The following PTPRU variants were observed in gnomAD, a reference collection of about 807,000 sequenced individuals.
The protein encoded by PTPRU is protein tyrosine phosphatase receptor type U, also known as receptor-type tyrosine-protein phosphatase U.
PTPRU carries 69 observed loss-of-function variants against 166.3 expected under a neutral mutation model. The observed-to-expected ratio is 0.41, with a 90% CI of 0.34 to 0.51. PTPRU has a LOEUF of 0.51. PTPRU is among the 20% of genes least tolerant of loss of function. PTPRU has a pLI of 0.09. For synonymous variants in PTPRU, 793 were observed against 814.0 expected (o/e 0.97, Z 0.44); for missense variants, 1,657 against 2,013.7 (o/e 0.82, Z 3.39).
chr1:29,319,598 T>C (rs1557488195), intron 25 of PTPRU, among the ~76,000 whole-genome samples: 1 of 152,164 alleles, frequency 6.6e-6, no homozygotes, highest in Non-Finnish European at 1.5e-5. Context: ...GGCCTGGCCT[T>C]GAGGAGTTGT....
rs1447456728 is a variant in PTPRU, at chr1:29,282,793, G to A, written c.1986G>A (p.Val662=). 1.2e-6 allele frequency: 2 copies of A among 1,614,018 alleles called. No individual in the cohort carries two copies. The highest frequency in any genetic ancestry group is 2.2e-5 in the East Asian group (1 of 44,888). Residue 662 remains valine, a synonymous_variant, in exon 12 of 30, where the codon GTG becomes GTA. Transcript: ENST00000373779. Reference sequence around the variant, plus strand: ...AGGCGGCGCTGGCCCGAGGCCTGGTGCACTACTTCGGGGCCGAACTGGCGG... The same window carrying A: ...AGGCGGCGCTGGCCCGAGGCCTGGTACACTACTTCGGGGCCGAACTGGCGG... ...TFEAALARGL[V]HYFGAELAAS...
intron 18 of PTPRU, among the ~76,000 whole-genome samples, chr1:29,310,098 A>C (rs1687577924): frequency 6.6e-6 from 1 of 152,000 alleles, no homozygotes. Flanking sequence ...CTCTCGTGGG[A>C]GGTGGTACTG....
rs781097347 is a variant in PTPRU at position 29,315,700 on chromosome 1, G to A, written c.3363+193G>A. On this transcript the variant is annotated intron_variant, in intron 23 of 29. Coordinates refer to ENST00000373779, the MANE Select transcript of PTPRU (RefSeq NM_133178.4). The surrounding 1 kb of genome is among the most constrained non-coding windows in gnomAD (Gnocchi z 4.5). ...GCTCCCCTGTGTTCTGTTGGGTGGG[G>A]TCAGACAACCGGTCCTGTAGCTGAC... Among the ~76,000 whole-genome samples, 6 of 152,196 alleles carry A rather than the reference G, an allele frequency of 3.9e-5. No homozygotes were observed. The highest frequency in any genetic ancestry group is 7.2e-5 in the African/African-American group (3 of 41,444).
chr1:29,268,679 A>C (rs1051760936), intron 7 of PTPRU, among the ~76,000 whole-genome samples: 1 of 152,248 alleles, frequency 6.6e-6, no homozygotes, highest in Admixed American at 6.5e-5. Context: ...AGCGCTTAAC[A>C]CACAGTAAGC....
At chr1:29,263,283 C>T (rs572731690) in intron 7 of PTPRU, among the ~76,000 whole-genome samples, 144 of 152,196 alleles carry the variant, frequency 9.5e-4, no homozygotes, top group Non-Finnish European at 1.6e-3. Flanking sequence ...CTGCACCTGA[C>T]CCTTCTTCCA....
intron 7 of PTPRU, among the ~76,000 whole-genome samples, chr1:29,262,724 G>A (rs1465475107): frequency 6.6e-6 from 1 of 152,192 alleles, no homozygotes; most frequent in African/African-American, 2.4e-5. Context: ...TGTATTGACA[G>A]AGTTACACAA....
At chr1:29,275,330 C>G (rs1010435802) in intron 7 of PTPRU, 118 bp from the exon 8 acceptor site, 1 of 1,175,526 alleles carries the variant, frequency 8.5e-7, no homozygotes, top group Non-Finnish European at 1.2e-6. Flanking sequence ...CCCCTGAGCT[C>G]TTGGGGGCAA....
At chr1:29,310,893 C>A (rs975969172) in intron 19 of PTPRU, 113 bp downstream of exon 19, 2 of 1,313,900 alleles carry the variant, frequency 1.5e-6, no homozygotes, top group South Asian at 1.2e-5. Flanking sequence ...CTGAATGTCT[C>A]CCCACCGTCG....
rs537741482 is a variant in PTPRU at position 29,282,208 on chromosome 1, T to A, written c.1869-468T>A. Among the ~76,000 whole-genome samples, 48 of 152,244 alleles carry A rather than the reference T, an allele frequency of 3.2e-4. 1 individual carries two copies. The East Asian group carries it at 6.6e-3, about 21-fold the overall frequency. On this transcript the variant is annotated intron_variant, in intron 11 of 29. Coordinates refer to ENST00000373779, the MANE Select transcript of PTPRU (RefSeq NM_133178.4). Reference sequence around the variant, plus strand: ...CATAGTCTGAGCTCAGTCATCTCTTTCTGAATGAATGAATGAATGAATGAA... The same window carrying A: ...CATAGTCTGAGCTCAGTCATCTCTTACTGAATGAATGAATGAATGAATGAA...
At chr1:29,287,059 GC>G (rs1449099995) in intron 14 of PTPRU, among the ~76,000 whole-genome samples, 2 of 152,126 alleles carry the variant, frequency 1.3e-5, no homozygotes, top group Non-Finnish European at 2.9e-5. Context: ...AACGTGGGGT[GC>G]CAACATAACT....
Position 29,279,173 on chromosome 1 carries a change from G to T in PTPRU, c.1563+52G>T. The stretch of plus-strand genomic sequence containing the variant: ...GGGACCCTGGTGGAAGGTGAGAGGT[G>T]GCCCTCTTTCTCTCTGCTGCTACAG... On this transcript the variant is annotated intron_variant, in intron 9 of 29. Transcript: ENST00000373779. The surrounding 1 kb of genome is among the most constrained non-coding windows in gnomAD (Gnocchi z 5.2). 7.0e-7 allele frequency: 1 copy of T among 1,428,342 alleles called. No homozygotes were observed. Among genetic ancestry groups the T allele is most frequent in the South Asian group, 1.2e-5 (1 of 81,022 alleles). The allele number at this position is 1,428,342 out of a possible 1,614,324, so 88.5% of individuals were successfully genotyped here. A position where few individuals can be genotyped will look rare whatever the true frequency, so the allele number is the denominator to read the frequency against.
At chr1:29,296,679 GT>G (rs60675448) in intron 15 of PTPRU, among the ~76,000 whole-genome samples, 43,598 of 135,634 alleles carry the variant, frequency 0.32, 8,141 homozygotes, top group East Asian at 0.64. Context: ...TTGCTACTTT[GT>G]TTTTTTTTTT....
chr1:29,311,857 G>A lies in PTPRU; in HGVS notation c.3072+98G>A. ...AGCCCTGGGAGCAGGAGGGTGAGGA[G>A]CGCACCACTGCCCATCCCAGCAAGG... On this transcript the variant is annotated intron_variant, in intron 21 of 29. Coordinates refer to ENST00000373779, the MANE Select transcript of PTPRU (RefSeq NM_133178.4). The surrounding 1 kb of genome is among the most constrained non-coding windows in gnomAD (Gnocchi z 4.1). 1 of 1,171,964 alleles carries A rather than the reference G, an allele frequency of 8.5e-7. No homozygotes were observed. Among genetic ancestry groups the A allele is most frequent in the Non-Finnish European group, 1.2e-6 (1 of 806,634 alleles). 72.6% of individuals were successfully genotyped at this position (1,171,964 alleles called of 1,614,324 possible). A position where few individuals can be genotyped will look rare whatever the true frequency, so the allele number is the denominator to read the frequency against.
intron 1 of PTPRU, among the ~76,000 whole-genome samples, chr1:29,245,225 G>T (rs1416549992): frequency 1.3e-5 from 2 of 152,170 alleles, no homozygotes; most frequent in East Asian, 3.8e-4. Context: ...ATAATACCTG[G>T]ACAATGTGCT....
At position 29,317,900 on chromosome 1, in the gene PTPRU, C is replaced by G; in HGVS notation, c.3666C>G (p.Tyr1222Ter). 6.2e-7 allele frequency: 1 copy of G among 1,614,018 alleles called. No individual in the cohort carries two copies. The highest frequency in any genetic ancestry group is 8.5e-7 in the Non-Finnish European group (1 of 1,180,018). The change falls in exon 25 of 30, where the codon TAC becomes TAG. Residue 1222 changes from tyrosine (Y) to a stop codon, truncating the protein, a stop_gained. Coordinates refer to ENST00000373779, the MANE Select transcript of PTPRU (RefSeq NM_133178.4). LOFTEE classifies it high-confidence loss of function. This position sits in a 1 kb window ranked among gnomAD's most constrained non-coding sequence, Gnocchi z 5.6. ...CCACTGATGGGGACTCCAACAACTA[C>G]ATTAATGCAGCCCTGACTGACGTGA... ...LISTDGDSNNYINAALTDSYT... is the reference protein window; with the variant it reads ...LISTDGDSNN
At chr1:29,325,052 C>G (rs1225867896) in intron 28 of PTPRU, 139 bp from the exon 29 acceptor site, 1 of 1,195,092 alleles carries the variant, frequency 8.4e-7, no homozygotes, top group Admixed American at 2.2e-5. Context: ...CACCTCTGGG[C>G]TCTCTGCCCC....
At chr1:29,321,707 C>G (rs866518332) in intron 26 of PTPRU, among the ~76,000 whole-genome samples, 8 of 152,196 alleles carry the variant, frequency 5.3e-5, no homozygotes, top group African/African-American at 1.9e-4. Context: ...AGGACCTGTT[C>G]TTGTGGGGTT....
rs1688364242 is a variant in PTPRU at position 29,325,399 on chromosome 1, A to T, written c.4248+73A>T. ...TGCCAGGCCAGGTTCCTTAGCACCC[A>T]CTCTCCCATATCTGGGCCCCACCAC... On this transcript the variant is annotated intron_variant, in intron 29 of 29. Transcript: ENST00000373779. 5 of 1,560,624 alleles carry T rather than the reference A, an allele frequency of 3.2e-6. No individual in the cohort carries two copies. The East Asian group carries it at 1.1e-4, about 35-fold the overall frequency.
intron 24 of PTPRU, among the ~76,000 whole-genome samples, chr1:29,316,540 C>T (rs77434761): frequency 0.04 from 6,052 of 152,178 alleles, 250 homozygotes; most frequent in East Asian, 0.17. Flanking sequence ...GAAAATCCAG[C>T]TTTTATAACT....
Sources: allele counts gnomAD v4.1 joint callset (sites outside exome capture counted in the v4.1 genomes callset), GRCh38; gene constraint gnomAD v4.1.1; non-coding constraint Gnocchi (gnomAD v3.1); transcripts MANE v1.5; gene names NCBI Gene and HGNC (gene_info 2026-07-23, HGNC 2026-07-21).